PTGER3: variants seen among roughly 807,000 people sequenced by gnomAD.
PTGER3 encodes the protein prostaglandin E2 receptor EP3 subtype.
In PTGER3, 22 loss-of-function variants were observed where a neutral mutation model predicts 34.7. The observed-to-expected ratio is 0.63, with a 90% CI of 0.45 to 0.91. PTGER3 has a LOEUF of 0.91. PTGER3 is among the 40% of genes least tolerant of loss of function. PTGER3 has a pLI of 0.00. For missense variants in PTGER3, 468 were observed against 519.4 expected, an observed-to-expected ratio of 0.90 and a Z score of 0.96; for synonymous variants, 241 against 230.1, an observed-to-expected ratio of 1.05 and a Z score of -0.43.
chr1:70,869,215 A>G (rs1646110476), intron 4 of PTGER3: 1 of 463,364 alleles, frequency 2.2e-6, no homozygotes, highest in Non-Finnish European at 4.4e-6. Flanking sequence ...ACACTTTACA[A>G]CAACCAAATT....
At chr1:70,936,676 T>C (rs891590873) in intron 4 of PTGER3, among the ~76,000 whole-genome samples, 5 of 152,186 alleles carry the variant, frequency 3.3e-5, no homozygotes, top group African/African-American at 1.2e-4. Flanking sequence ...GTGGTAAGAC[T>C]ATGTAACACA....
At chr1:70,871,618 AATG>A (rs1013241214) in intron 4 of PTGER3, among the ~76,000 whole-genome samples, 25 of 152,164 alleles carry the variant, frequency 1.6e-4, no homozygotes, top group African/African-American at 5.8e-4. Flanking sequence ...AACTGAAACC[AATG>A]ATTAGTCCCA....
intron 4 of PTGER3, among the ~76,000 whole-genome samples, chr1:70,886,814 A>G (rs183889432): frequency 6.6e-6 from 1 of 152,308 alleles, no homozygotes; most frequent in East Asian, 1.9e-4. Flanking sequence ...GAATTCATGA[A>G]TGAATGAATG....
chr1:70,908,936 G>T (rs1010431087), intron 4 of PTGER3, among the ~76,000 whole-genome samples: 1 of 152,170 alleles, frequency 6.6e-6, no homozygotes, highest in Non-Finnish European at 1.5e-5. Flanking sequence ...TACAGAGGTT[G>T]ACCAGCTTAA....
intron 4 of PTGER3, among the ~76,000 whole-genome samples, chr1:70,859,960 A>C (rs542332566): frequency 6.6e-6 from 1 of 152,222 alleles, no homozygotes; most frequent in South Asian, 2.1e-4. Context: ...CAAGATAATA[A>C]AACTGTTAAT....
At chr1:71,036,729 T>C (rs1011737639) in intron 1 of PTGER3, among the ~76,000 whole-genome samples, 15 of 150,298 alleles carry the variant, frequency 1.0e-4, no homozygotes, top group South Asian at 2.1e-4. Flanking sequence ...GTCCCAGCTA[T>C]TGGGGAGGCT....
At chr1:70,873,885 A>G (rs1412116158) in intron 4 of PTGER3, among the ~76,000 whole-genome samples, 1 of 152,016 alleles carries the variant, frequency 6.6e-6, no homozygotes, top group African/African-American at 2.4e-5. Flanking sequence ...CTTTTAAAAT[A>G]CTATGTATTA....
At chr1:70,903,952 C>A (rs1204296675) in intron 4 of PTGER3, among the ~76,000 whole-genome samples, 3 of 152,152 alleles carry the variant, frequency 2.0e-5, no homozygotes, top group Non-Finnish European at 4.4e-5. Flanking sequence ...GTGTTCCCAG[C>A]CAAAACTCAT....
At chr1:70,905,005 A>G (rs140125586) in intron 4 of PTGER3, among the ~76,000 whole-genome samples, 43 of 152,222 alleles carry the variant, frequency 2.8e-4, no homozygotes, top group Non-Finnish European at 2.9e-5. Context: ...TGTGCAACCT[A>G]GGGACTTGGT....
In PTGER3 at chr1:70,860,723, C is replaced by T. The variant is rs184961032; in HGVS notation, c.*24-7864G>A. Among the ~76,000 whole-genome samples the T allele has an allele frequency of 3.3e-5, 5 of 152,046 alleles. No individual in the cohort carries two copies. In the East Asian group the frequency reaches 9.7e-4, roughly 29 times the overall value. On this transcript the variant is annotated intron_variant, in intron 4 of 4. Transcript: ENST00000370931. ...ACCTACCAATAATGTTATGTGAGAC[C>T]TTATTGTACATCATAAAGTTTTTCA...
chr1:70,875,949 A>G (rs1280079481), intron 4 of PTGER3, among the ~76,000 whole-genome samples: 2 of 152,200 alleles, frequency 1.3e-5, no homozygotes, highest in Non-Finnish European at 2.9e-5. Context: ...CTTTGGGCAC[A>G]TACTCAATAA....
chr1:71,024,771 T>G (rs1306410397), intron 1 of PTGER3, among the ~76,000 whole-genome samples: 3 of 151,378 alleles, frequency 2.0e-5, no homozygotes, highest in African/African-American at 7.3e-5. Flanking sequence ...ACCAGGCTGG[T>G]CTTGAACTAC....
intron 4 of PTGER3, among the ~76,000 whole-genome samples, chr1:70,894,780 G>T (rs1388722613): frequency 6.6e-6 from 1 of 152,164 alleles, no homozygotes; most frequent in East Asian, 1.9e-4. Context: ...GTCTTAAGGA[G>T]TAGACGTTAA....
intron 4 of PTGER3, among the ~76,000 whole-genome samples, chr1:70,894,785 C>T (rs17131483): frequency 0.21 from 31,567 of 152,046 alleles, 3,738 homozygotes; most frequent in Admixed American, 0.35. Flanking sequence ...AAGGAGTAGA[C>T]GTTAATTCCA....
chr1:70,963,161 G>C (rs1652122237), intron 2 of PTGER3, among the ~76,000 whole-genome samples: 1 of 152,194 alleles, frequency 6.6e-6, no homozygotes, highest in Non-Finnish European at 1.5e-5. Flanking sequence ...GCAAAAGGTG[G>C]GTTCTCATAA....
chr1:70,964,406 G>A (rs892641880), intron 2 of PTGER3, among the ~76,000 whole-genome samples: 1 of 152,170 alleles, frequency 6.6e-6, no homozygotes, highest in African/African-American at 2.4e-5. Context: ...AAAGGAAAGA[G>A]GTTCAATTGA....
intron 1 of PTGER3, among the ~76,000 whole-genome samples, chr1:71,036,897 G>A (rs181783741): frequency 4.6e-5 from 7 of 152,194 alleles, no homozygotes; most frequent in Admixed American, 3.9e-4. Flanking sequence ...GTACCACCCA[G>A]AGCCTAATGA....
chr1:70,895,298 G>C (rs898908606), intron 4 of PTGER3, among the ~76,000 whole-genome samples: 3 of 152,168 alleles, frequency 2.0e-5, no homozygotes, highest in Non-Finnish European at 4.4e-5. Context: ...GTCAGTTGCT[G>C]GTCATGAATA....
chr1:70,923,749 TG>T (rs1421894142), intron 4 of PTGER3, among the ~76,000 whole-genome samples: 1 of 152,214 alleles, frequency 6.6e-6, no homozygotes, highest in Non-Finnish European at 1.5e-5. Flanking sequence ...TATACTCCTA[TG>T]AACAAAATTT....
Sources: gnomAD v4.1 joint callset for allele counts (sites outside exome capture counted in the v4.1 genomes callset) on GRCh38, gnomAD v4.1.1 for gene constraint, MANE v1.5 for transcripts, NCBI Gene and HGNC (gene_info 2026-07-23, HGNC 2026-07-21) for gene names.